The following SULF1 variants were observed in gnomAD, a reference collection of about 807,000 sequenced individuals.
SULF1 encodes the protein sulfatase 1.
Under a neutral mutation model 110.5 loss-of-function variants are expected in SULF1, and 46 were observed. That is an observed-to-expected ratio of 0.42 (90% CI 0.33 to 0.53). The LOEUF (loss-of-function observed/expected upper bound fraction) is 0.53. Ranked by LOEUF, SULF1 falls within the 20% of genes least tolerant of loss-of-function variation. The pLI is 0.12. For synonymous variants in SULF1, 371 were observed against 387.1 expected (o/e 0.96, Z 0.49); for missense variants, 941 against 1,094.2 (o/e 0.86, Z 1.98).
intron 1 of SULF1, among the ~76,000 whole-genome samples, chr8:69,493,482 C>T (rs1460165373): frequency 1.6e-5 from 2 of 122,634 alleles, no homozygotes; most frequent in African/African-American, 3.0e-5. Flanking sequence ...CACACACACA[C>T]ACACACACTC....
chr8:69,542,549 T>C lies in SULF1; in HGVS notation c.-133-20990T>C, dbSNP rs2150671862. 1.3e-5 allele frequency among the ~76,000 whole-genome samples: 2 copies of C among 151,888 alleles called. 1 individual carries two copies. The highest frequency in any genetic ancestry group is 4.2e-4 in the South Asian group (2 of 4,766). On this transcript the variant is annotated intron_variant, in intron 3 of 22. Transcript: ENST00000402687. Reference sequence around the variant, plus strand: ...TGTTTTGACCCCCGAGAAATGGGGATACCAACAGTGCTGCCGAGAGTTACT... The same window carrying C: ...TGTTTTGACCCCCGAGAAATGGGGACACCAACAGTGCTGCCGAGAGTTACT...
chr8:69,560,654 G>A (rs1180870120), intron 3 of SULF1, among the ~76,000 whole-genome samples: 4 of 152,184 alleles, frequency 2.6e-5, no homozygotes, highest in Admixed American at 6.5e-5. Flanking sequence ...CCCCCACAAA[G>A]TATCCAATTC....
intron 8 of SULF1, chr8:69,597,252 G>T (rs114489190): frequency 3.6e-4 from 55 of 152,338 alleles, no homozygotes; most frequent in African/African-American, 1.3e-3. Flanking sequence ...ACAGGCCTTT[G>T]GCAAAAGATC....
chr8:69,552,118 T>G (rs1814764658), intron 3 of SULF1, among the ~76,000 whole-genome samples: 1 of 152,190 alleles, frequency 6.6e-6, no homozygotes, highest in African/African-American at 2.4e-5. Flanking sequence ...TTTATAGGTC[T>G]CATCCCAGAA....
At chr8:69,580,715 C>A (rs1294508620) in intron 6 of SULF1, among the ~76,000 whole-genome samples, 2 of 152,084 alleles carry the variant, frequency 1.3e-5, no homozygotes, top group Non-Finnish European at 2.9e-5. Flanking sequence ...TGAATTCTAC[C>A]TCACATCACT....
intron 13 of SULF1, among the ~76,000 whole-genome samples, chr8:69,613,684 A>G (rs1006896108): frequency 2.6e-5 from 4 of 152,146 alleles, no homozygotes; most frequent in Admixed American, 2.6e-4. Context: ...GGGTGACTCA[A>G]AGCTTCTGTC....
At chr8:69,553,829 C>A (rs1814894112) in intron 3 of SULF1, among the ~76,000 whole-genome samples, 1 of 152,160 alleles carries the variant, frequency 6.6e-6, no homozygotes, top group Admixed American at 6.5e-5. Context: ...CCTTTCTATG[C>A]AGGATGTTTT....
intron 3 of SULF1, among the ~76,000 whole-genome samples, chr8:69,509,021 C>T (rs867095658): frequency 9.2e-5 from 14 of 152,186 alleles, no homozygotes; most frequent in African/African-American, 2.9e-4. Flanking sequence ...ATCTAATTTA[C>T]TCTATAATTT....
intron 22 of SULF1, among the ~76,000 whole-genome samples, chr8:69,657,273 T>A (rs912172686): frequency 3.9e-5 from 6 of 152,224 alleles, no homozygotes; most frequent in Admixed American, 3.9e-4. Flanking sequence ...ATTTCCCATC[T>A]TTTGCTTCCT....
intron 1 of SULF1, among the ~76,000 whole-genome samples, chr8:69,480,804 T>G (rs183469045): frequency 3.7e-3 from 554 of 150,014 alleles, no homozygotes; most frequent in Non-Finnish European, 6.4e-3. Context: ...TGTTTTTCAC[T>G]GCATGTTCTC....
At chr8:69,561,181 C>G (rs1393593563) in intron 3 of SULF1, among the ~76,000 whole-genome samples, 1 of 152,112 alleles carries the variant, frequency 6.6e-6, no homozygotes, top group Non-Finnish European at 1.5e-5. Flanking sequence ...TGTTAATTAG[C>G]TTGATATAAT....
intron 13 of SULF1, among the ~76,000 whole-genome samples, chr8:69,616,978 A>G (rs1809200163): frequency 6.6e-6 from 1 of 151,822 alleles, no homozygotes; most frequent in African/African-American, 2.4e-5. Context: ...TAAGCAGTCA[A>G]CTCTTCATTT....
chr8:69,648,401 G>T (rs780448411), intron 22 of SULF1, among the ~76,000 whole-genome samples: 2 of 152,184 alleles, frequency 1.3e-5, no homozygotes, highest in East Asian at 3.9e-4. Context: ...CACCTGGCCC[G>T]GTGAAATTCA....
upstream of SULF1, among the ~76,000 whole-genome samples, chr8:69,490,528 A>T (rs2150553149): frequency 6.6e-6 from 1 of 152,288 alleles, no homozygotes; most frequent in Non-Finnish European, 1.5e-5. Context: ...ATTTGACTCC[A>T]ACTGAGTAAA....
chr8:69,592,312 G>A (rs1586492990), intron 8 of SULF1, among the ~76,000 whole-genome samples: 4 of 152,196 alleles, frequency 2.6e-5, no homozygotes, highest in Admixed American at 2.6e-4. Flanking sequence ...AATATTGAGG[G>A]TGTCAGTGAG....
At chr8:69,567,963 A>G (rs1443350887) in intron 5 of SULF1, among the ~76,000 whole-genome samples, 1 of 152,164 alleles carries the variant, frequency 6.6e-6, no homozygotes, top group Non-Finnish European at 1.5e-5. Flanking sequence ...ACTGAGCACA[A>G]GTGTCATAAT....
chr8:69,476,204 C>T (rs1809292283), intron 1 of SULF1, among the ~76,000 whole-genome samples: 1 of 152,176 alleles, frequency 6.6e-6, no homozygotes, highest in African/African-American at 2.4e-5. Context: ...AAATGAAATA[C>T]ACGTTCCCTT....
In SULF1 at chr8:69,640,163, AAAAG is replaced by A. The variant is rs149657587; in HGVS notation, c.2552-631_2552-628del. ...GGAAGGAAGGAAAGAAAGAAAGAAA[AAAAG>A]AAAGAAAGAAAGAGAAAAGAAAGAA... On this transcript the variant is annotated intron_variant, in intron 21 of 22. Transcript: ENST00000402687. Among the ~76,000 whole-genome samples the A allele has an allele frequency of 5.3e-4, 79 of 149,936 alleles. No homozygotes were observed. The East Asian group carries it at 5.7e-3, about 11-fold the overall frequency.
At chr8:69,627,740 A>T in intron 16 of SULF1, 32 bp from the exon 17 acceptor site, 1 of 1,411,212 alleles carries the variant, frequency 7.1e-7, no homozygotes, top group Non-Finnish European at 9.9e-7. Flanking sequence ...TCCTGATCTT[A>T]ATACGTAAGT....
Sources: allele counts gnomAD v4.1 joint callset (sites outside exome capture counted in the v4.1 genomes callset), GRCh38; gene constraint gnomAD v4.1.1; transcripts MANE v1.5; gene names NCBI Gene and HGNC (gene_info 2026-07-23, HGNC 2026-07-21).